Variants in CRYBA2 observed in about 807,000 individuals in gnomAD.
The protein encoded by CRYBA2 is beta-crystallin A2.
A neutral mutation model predicts 18.5 loss-of-function variants in CRYBA2; 17 were observed. That is an observed-to-expected ratio of 0.92 (90% CI 0.63 to 1.38). The LOEUF (loss-of-function observed/expected upper bound fraction) is 1.38. Ranked by LOEUF, CRYBA2 falls within the 40% of genes most tolerant of loss-of-function variation. CRYBA2 has a pLI of 0.00. For synonymous variants in CRYBA2, 101 were observed against 106.2 expected (o/e 0.95, Z 0.30); for missense variants, 271 against 265.0 (o/e 1.02, Z -0.16).
At chr2:218,991,921 C>T (rs973899966) in intron 2 of CRYBA2, 181 bp downstream of exon 2, 29 of 614,226 alleles carry the variant, frequency 4.7e-5, no homozygotes, top group South Asian at 2.3e-4. Flanking sequence ...TCCGGGCCTA[C>T]GCCCACAATC....
Position 218,990,855 on chromosome 2 carries a change from C to G in CRYBA2, c.443G>C (p.Gly148Ala). The change falls in exon 3 of 4, where the codon GGA becomes GCA. Residue 148 changes from glycine to alanine, a missense_variant. Transcript: ENST00000295728. ...KDVGSLKVSS[G>A]AWVAYQYPGY... ...TGGTTCCAGTTCCAGGACTCACGCTCCGGAGCTGACTTTGAGGGAACCCAC... is the reference window on the plus strand; with the variant it reads ...TGGTTCCAGTTCCAGGACTCACGCTGCGGAGCTGACTTTGAGGGAACCCAC... 6.2e-7 allele frequency: 1 copy of G among 1,613,584 alleles called. No individual in the cohort carries two copies. The highest frequency in any genetic ancestry group is 8.5e-7 in the Non-Finnish European group (1 of 1,179,594).
chr2:218,992,167 C>G lies in CRYBA2; in HGVS notation c.238G>C (p.Ala80Pro). The G allele has an allele frequency of 2.5e-6, 4 of 1,613,456 alleles. No individual in the cohort carries two copies. Among genetic ancestry groups the G allele is most frequent in the Non-Finnish European group, 3.4e-6 (4 of 1,179,916 alleles). ...TTGTGGCTGCTGCTGCCACTCCAGG[C>G]GCTCCAGCGAGGATAGTCTCCCTTC... ...LEKGDYPRWS[A>P]WSGSSSHNSN... The change falls in exon 2 of 4, where the codon GCC becomes CCC. Residue 80 changes from alanine (A) to proline (P), a missense_variant. Coordinates refer to ENST00000295728, the MANE Select transcript of CRYBA2 (RefSeq NM_057093.2).
Position 218,993,120 on chromosome 2 carries a change from C to T in CRYBA2, c.57G>A (p.Glu19=), listed in dbSNP as rs1945518116. ...PAPASLTLWD[E]EDFQGRRCRL... ...GACAGCGACGGCCCTGGAAGTCCTCCTCGTCCCAGAGCGTGAGGCTGGCGG... is the reference window on the plus strand; with the variant it reads ...GACAGCGACGGCCCTGGAAGTCCTCTTCGTCCCAGAGCGTGAGGCTGGCGG... Residue 19 remains glutamate (E), a synonymous_variant, in exon 1 of 4, where the codon GAG becomes GAA. Transcript: ENST00000295728. This position sits in a 1 kb window ranked among gnomAD's most constrained non-coding sequence, Gnocchi z 7.7. The T allele has an allele frequency of 6.2e-7, 1 of 1,611,710 alleles. No individual in the cohort carries two copies. The highest frequency in any genetic ancestry group is 1.3e-5 in the African/African-American group (1 of 74,886).
At position 218,990,192 on chromosome 2, in the gene CRYBA2, C is replaced by T. The variant is rs1221937251; in HGVS notation, c.*60G>A. On this transcript the variant is annotated 3_prime_UTR_variant, in exon 4 of 4. Transcript: ENST00000295728. ...CAAGACACCAAGGAGGCAAGAGGGG[C>T]AGGAAGATTCAGGAACCTTTATTGA... 1 of 1,598,758 alleles carries T rather than the reference C, an allele frequency of 6.3e-7. No homozygotes were observed.
intron 1 of CRYBA2, 115 bp downstream of exon 1, chr2:218,992,901 C>T (rs1642801796): frequency 1.3e-6 from 1 of 767,632 alleles, no homozygotes; most frequent in Admixed American, 2.8e-5. Context: ...ATGGGGTTTC[C>T]CATGTTGGCA....
rs893720198 is a variant in CRYBA2 at position 218,990,811 on chromosome 2, C to A, written c.446+41G>T. On this transcript the variant is annotated intron_variant, in intron 3 of 3. Transcript: ENST00000295728. ...CCCTCTTCCTTGGTCCCCATTGCCT[C>A]CCTGCTCTTCTGTCTCCCTGGTTCC... 7 of 1,602,292 alleles carry A rather than the reference C, an allele frequency of 4.4e-6. No homozygotes were observed. The Middle Eastern group carries it at 6.6e-4, about 152-fold the overall frequency.
At chr2:218,990,781 C>G in intron 3 of CRYBA2, 71 bp downstream of exon 3, 1 of 1,567,896 alleles carries the variant, frequency 6.4e-7, no homozygotes, top group Admixed American at 1.7e-5. Flanking sequence ...CATCACTTTT[C>G]TCCACCCTCT....
chr2:218,992,661 G>A (rs1216391198), intron 1 of CRYBA2, among the ~76,000 whole-genome samples: 1 of 152,160 alleles, frequency 6.6e-6, no homozygotes, highest in Non-Finnish European at 1.5e-5. Flanking sequence ...AGACCAGGGT[G>A]GGGCCAGGGA....
Position 218,993,316 on chromosome 2 carries a change from A to C in CRYBA2, c.-140T>G. 5.2e-6 allele frequency: 4 copies of C among 766,778 alleles called. No homozygotes were observed. In the South Asian group the frequency reaches 7.7e-5, roughly 15 times the overall value. The allele number at this position is 766,778 out of a possible 1,614,324, so 47.5% of individuals were successfully genotyped here. A position where few individuals can be genotyped will look rare whatever the true frequency, so the allele number is the denominator to read the frequency against. ...CGGCCTAGCTCTGGACCCGGCTGCC[A>C]GGGGCTCGCAGTCTTCCCGCGCTCC... On this transcript the variant is annotated 5_prime_UTR_variant, in exon 1 of 4. Transcript: ENST00000295728. The surrounding 1 kb of genome is among the most constrained non-coding windows in gnomAD (Gnocchi z 7.7).
At chr2:218,992,634 A>G (rs968490390) in intron 1 of CRYBA2, among the ~76,000 whole-genome samples, 1 of 152,074 alleles carries the variant, frequency 6.6e-6, no homozygotes, top group Non-Finnish European at 1.5e-5. Flanking sequence ...GCAGGGTGGG[A>G]AAAGCTGGGC....
chr2:218,991,823 C>T (rs746854087), intron 2 of CRYBA2: 1 of 429,674 alleles, frequency 2.3e-6, no homozygotes, highest in Non-Finnish European at 4.1e-6. Flanking sequence ...GGCACTCACT[C>T]ACACGTGTGG....
chr2:218,992,374 C>A, intron 1 of CRYBA2, 131 bp from the exon 2 acceptor site: 2 of 940,176 alleles, frequency 2.1e-6, no homozygotes, highest in Non-Finnish European at 3.1e-6. Context: ...CCCCTGACAC[C>A]CCCATTGTAT....
Position 218,992,998 on chromosome 2 carries a change from G to A in CRYBA2, c.161+18C>T. The A allele has an allele frequency of 4.4e-6, 7 of 1,589,514 alleles. No homozygotes were observed. Among genetic ancestry groups the A allele is most frequent in the Non-Finnish European group, 6.0e-6 (7 of 1,163,418 alleles). ...GCGCCCCTCAACCCAGCCCAGCCGC[G>A]GCCAGGCAATCACTCACACGCCGTT... On this transcript the variant is annotated intron_variant, in intron 1 of 3. Transcript: ENST00000295728.
chr2:218,990,511 T>G, intron 3 of CRYBA2, 112 bp from the exon 4 acceptor site: 2 of 1,295,350 alleles, frequency 1.5e-6, no homozygotes, highest in Non-Finnish European at 2.1e-6. Context: ...TCCAAAATCA[T>G]TGCTTCAACT....
Position 218,993,209 on chromosome 2 carries a change from C to T in CRYBA2, c.-33G>A. The T allele has an allele frequency of 2.7e-5, 42 of 1,556,066 alleles. No homozygotes were observed. The highest frequency in any genetic ancestry group is 3.4e-5 in the Non-Finnish European group (39 of 1,153,578). On this transcript the variant is annotated 5_prime_UTR_variant, in exon 1 of 4. Coordinates refer to ENST00000295728, the MANE Select transcript of CRYBA2 (RefSeq NM_057093.2). This position sits in a 1 kb window ranked among gnomAD's most constrained non-coding sequence, Gnocchi z 7.7. ...CGGACAGGAAGGGTGGCACCACGCGCTCAGCGTCTCAAGAGCCCCGTTTCG... is the reference window on the plus strand; with the variant it reads ...CGGACAGGAAGGGTGGCACCACGCGTTCAGCGTCTCAAGAGCCCCGTTTCG...
At chr2:218,991,975 T>G in intron 2 of CRYBA2, 127 bp downstream of exon 2, 12 of 758,554 alleles carry the variant, frequency 1.6e-5, no homozygotes, top group Non-Finnish European at 2.5e-5. Context: ...GAAATAATGC[T>G]ACTACCACCC....
Position 218,993,338 on chromosome 2 carries a change from C to G in CRYBA2, c.-162G>C, listed in dbSNP as rs972937205. On this transcript the variant is annotated 5_prime_UTR_variant, in exon 1 of 4. Transcript: ENST00000295728. This position sits in a 1 kb window ranked among gnomAD's most constrained non-coding sequence, Gnocchi z 7.7. Reference sequence around the variant, plus strand: ...GCCAGGGGCTCGCAGTCTTCCCGCGCTCCCCTCCCTTCCCCACCCCAGCAG... The same window carrying G: ...GCCAGGGGCTCGCAGTCTTCCCGCGGTCCCCTCCCTTCCCCACCCCAGCAG... 1.5e-6 allele frequency: 1 copy of G among 650,018 alleles called. No individual in the cohort carries two copies. The highest frequency in any genetic ancestry group is 2.6e-6 in the Non-Finnish European group (1 of 390,806). 40.3% of individuals were successfully genotyped at this position (650,018 alleles called of 1,614,324 possible). A position where few individuals can be genotyped will look rare whatever the true frequency, so the allele number is the denominator to read the frequency against.
chr2:218,993,143 CGGGCGCCGGGCCCGGCGCGG>C lies in CRYBA2; in HGVS notation c.14_33del (p.Pro5ArgfsTer48). On this transcript the variant is annotated frameshift_variant, in exon 1 of 4. Coordinates refer to ENST00000295728, the MANE Select transcript of CRYBA2 (RefSeq NM_057093.2). LOFTEE classifies it high-confidence loss of function. This position sits in a 1 kb window ranked among gnomAD's most constrained non-coding sequence, Gnocchi z 7.7. ...TCCTCGTCCCAGAGCGTGAGGCTGG[CGGGCGCCGGGCCCGGCGCGG>C]GGGCGCTGCTCATGCCGCTGCGGAC... The C allele has an allele frequency of 6.2e-7, 1 of 1,601,652 alleles. No homozygotes were observed. The highest frequency in any genetic ancestry group is 1.3e-5 in the African/African-American group (1 of 74,522).
rs770208867 is a variant in CRYBA2, at chr2:218,993,004, GCAAT to G, written c.161+8_161+11del. The stretch of plus-strand genomic sequence containing the variant: ...CTCAACCCAGCCCAGCCGCGGCCAG[GCAAT>G]CACTCACACGCCGTTTTCCACCTTG... On this transcript the variant is annotated splice_region_variant and intron_variant, in intron 1 of 3. Coordinates refer to ENST00000295728, the MANE Select transcript of CRYBA2 (RefSeq NM_057093.2). This position sits in a 1 kb window ranked among gnomAD's most constrained non-coding sequence, Gnocchi z 7.7. 1.3e-6 allele frequency: 2 copies of G among 1,593,498 alleles called. No homozygotes were observed. The highest frequency in any genetic ancestry group is 4.5e-5 in the East Asian group (2 of 44,306).
Sources: allele counts gnomAD v4.1 joint callset (sites outside exome capture counted in the v4.1 genomes callset), GRCh38; gene constraint gnomAD v4.1.1; non-coding constraint Gnocchi (gnomAD v3.1); transcripts MANE v1.5; gene names NCBI Gene and HGNC (gene_info 2026-07-23, HGNC 2026-07-21).